MRPS27: variants seen among roughly 807,000 people sequenced by gnomAD.
MRPS27 encodes small ribosomal subunit protein mS27.
In MRPS27, 43 loss-of-function variants were observed where a neutral mutation model predicts 48.9. The observed-to-expected ratio is 0.88, with a 90% CI of 0.69 to 1.13. MRPS27 has a LOEUF of 1.13. Among genes scored for constraint, MRPS27 ranks in the 50% most tolerant of loss-of-function variants. The probability of loss-of-function intolerance (pLI) is 0.00; values close to 1 mark genes in which losing one functional copy is unlikely to be tolerated. For missense variants in MRPS27, 467 were observed against 476.3 expected (o/e 0.98, Z 0.18); for synonymous variants, 188 against 171.9 (o/e 1.09, Z -0.73).
chr5:72,291,891 A>G (rs994461260), intron 4 of MRPS27, among the ~76,000 whole-genome samples: 5 of 152,228 alleles, frequency 3.3e-5, no homozygotes, highest in Non-Finnish European at 5.9e-5. Context: ...GCTTCTCAGA[A>G]GACAGCTTGA....
At chr5:72,278,467 T>C (rs1417969725) in intron 4 of MRPS27, among the ~76,000 whole-genome samples, 1 of 149,212 alleles carries the variant, frequency 6.7e-6, no homozygotes, top group Non-Finnish European at 1.5e-5. Flanking sequence ...AAAAAAAATT[T>C]AAAGTCTGTC....
intron 4 of MRPS27, among the ~76,000 whole-genome samples, chr5:72,275,996 A>C (rs1350672968): frequency 6.6e-6 from 1 of 150,800 alleles, no homozygotes; most frequent in Non-Finnish European, 1.5e-5. Context: ...GAAAAAAGGA[A>C]AAAAGGAGAA....
intron 3 of MRPS27, 28 bp downstream of exon 3, chr5:72,297,604 G>A (rs1346280436): frequency 6.9e-7 from 1 of 1,449,034 alleles, no homozygotes; most frequent in South Asian, 1.2e-5. Context: ...CTTGTTCTTG[G>A]AAAATATATA....
chr5:72,290,787 AT>A (rs1343779508), intron 4 of MRPS27, among the ~76,000 whole-genome samples: 1 of 152,264 alleles, frequency 6.6e-6, no homozygotes, highest in African/African-American at 2.4e-5. Flanking sequence ...AACATGGGAT[AT>A]AAAAATTCTT....
In MRPS27 at chr5:72,241,636, T is replaced by C. The variant is rs1297429283; in HGVS notation, c.282-3508A>G. ...ATGTCAGGTGAGTGAGTCTCTGGAA[T>C]GGGCACTTGCCTGGAATAATTCTGT... On this transcript the variant is annotated intron_variant, in intron 4 of 10. Transcript: ENST00000261413. The C allele has an allele frequency of 3.3e-6, 5 of 1,535,062 alleles. No individual in the cohort carries two copies. The Admixed American group carries it at 9.8e-5, about 30-fold the overall frequency.
intron 7 of MRPS27, 138 bp downstream of exon 7, chr5:72,232,305 C>A (rs1748083226): frequency 3.8e-6 from 2 of 530,580 alleles, no homozygotes; most frequent in South Asian, 6.1e-5. Flanking sequence ...AAACCAGTAA[C>A]CAAAATGTAT....
At chr5:72,255,550 A>T (rs1364767906) in intron 4 of MRPS27, among the ~76,000 whole-genome samples, 2 of 152,218 alleles carry the variant, frequency 1.3e-5, no homozygotes, top group Non-Finnish European at 2.9e-5. Flanking sequence ...AGCTGACAAC[A>T]TATAGATGAC....
At chr5:72,239,586 C>G (rs1204112255) in intron 4 of MRPS27, among the ~76,000 whole-genome samples, 1 of 152,052 alleles carries the variant, frequency 6.6e-6, no homozygotes, top group Admixed American at 6.6e-5. Flanking sequence ...GTATAGGGGA[C>G]CTAGATACTC....
At chr5:72,233,478 AT>A (rs1375992254) in intron 6 of MRPS27, among the ~76,000 whole-genome samples, 7 of 152,066 alleles carry the variant, frequency 4.6e-5, no homozygotes, top group African/African-American at 9.7e-5. Context: ...TTACTGAATT[AT>A]TTTTTTAACC....
intron 6 of MRPS27, 71 bp from the exon 7 acceptor site, chr5:72,232,629 A>G: frequency 9.3e-7 from 1 of 1,079,164 alleles, no homozygotes; most frequent in South Asian, 1.4e-5. Context: ...CTATTTAACT[A>G]TAAACACTCT....
At chr5:72,315,296 GTA>G (rs1750536437) in intron 1 of MRPS27, among the ~76,000 whole-genome samples, 1 of 151,940 alleles carries the variant, frequency 6.6e-6, no homozygotes, top group African/African-American at 2.4e-5. Flanking sequence ...ATTTAAACAG[GTA>G]TACCTTTAAA....
intron 4 of MRPS27, among the ~76,000 whole-genome samples, chr5:72,271,475 A>T (rs906025616): frequency 1.1e-4 from 17 of 152,238 alleles, no homozygotes; most frequent in Non-Finnish European, 2.9e-5. Context: ...GGCAATCTTA[A>T]AAAACAAGAG....
At chr5:72,283,260 C>A (rs1282702695) in intron 4 of MRPS27, among the ~76,000 whole-genome samples, 2 of 152,166 alleles carry the variant, frequency 1.3e-5, no homozygotes, top group Non-Finnish European at 2.9e-5. Context: ...CAAGATAATA[C>A]ATTTTCATTG....
intron 9 of MRPS27, 87 bp from the exon 10 acceptor site, chr5:72,223,937 G>C (rs1337575155): frequency 7.6e-7 from 1 of 1,312,176 alleles, no homozygotes; most frequent in African/African-American, 1.5e-5. Flanking sequence ...CGAAAGAAAG[G>C]AAGAATGAGC....
At chr5:72,295,659 C>T in intron 3 of MRPS27, 70 bp from the exon 4 acceptor site, 2 of 1,153,578 alleles carry the variant, frequency 1.7e-6, no homozygotes, top group Non-Finnish European at 2.6e-6. Flanking sequence ...GGGCCTAGAT[C>T]ACACATTGAC....
At chr5:72,307,152 G>A (rs1750293719) in intron 2 of MRPS27, among the ~76,000 whole-genome samples, 1 of 152,126 alleles carries the variant, frequency 6.6e-6, no homozygotes, top group Non-Finnish European at 1.5e-5. Context: ...ACGAGTTCGA[G>A]ACCAGCATGA....
chr5:72,225,219 C>T (rs1226783249), intron 9 of MRPS27, among the ~76,000 whole-genome samples: 1 of 152,154 alleles, frequency 6.6e-6, no homozygotes, highest in Non-Finnish European at 1.5e-5. Context: ...ATTCACTAGA[C>T]ATAAGTATAA....
intron 9 of MRPS27, 51 bp downstream of exon 9, chr5:72,226,006 T>G (rs778400861): frequency 3.2e-6 from 5 of 1,573,798 alleles, no homozygotes; most frequent in Non-Finnish European, 4.3e-6. Flanking sequence ...AAAGCTCAGG[T>G]TATGGGAAAC....
In MRPS27 at chr5:72,320,059, C is replaced by T. The variant is rs1750709628; in HGVS notation, c.73+90G>A. ...AATGGCGTCCCTAGCAATCAGATTC[C>T]AGAAACGTTTCCTCTCCTCTTGAAA... On this transcript the variant is annotated intron_variant, in intron 1 of 10. Coordinates refer to ENST00000261413, the MANE Select transcript of MRPS27 (RefSeq NM_015084.3). The T allele has an allele frequency of 7.2e-6, 10 of 1,389,740 alleles. No homozygotes were observed. The South Asian group carries it at 1.1e-4, about 15-fold the overall frequency. 86.1% of individuals were successfully genotyped at this position (1,389,740 alleles called of 1,614,324 possible).
Sources: gnomAD v4.1 joint callset for allele counts (sites outside exome capture counted in the v4.1 genomes callset) on GRCh38, gnomAD v4.1.1 for gene constraint, MANE v1.5 for transcripts, NCBI Gene and HGNC (gene_info 2026-07-23, HGNC 2026-07-21) for gene names.